Variants in SLC35F5 observed in about 807,000 individuals in gnomAD.
The protein encoded by SLC35F5 is solute carrier family 35 member F5.
A neutral mutation model predicts 68.6 loss-of-function variants in SLC35F5; 54 were observed. The observed-to-expected ratio is 0.79, with a 90% CI of 0.63 to 0.99. The LOEUF is 0.99. SLC35F5 is among the 50% of genes least tolerant of loss of function. The pLI is 0.00. For missense variants in SLC35F5, 567 were observed against 626.9 expected (o/e 0.90, Z 1.02); for synonymous variants, 211 against 205.2 (o/e 1.03, Z -0.24).
chr2:113,714,319 T>A lies in SLC35F5; in HGVS notation c.*899A>T, dbSNP rs1433468077. 4 of 152,048 alleles carry A rather than the reference T, an allele frequency of 2.6e-5. No homozygotes were observed. The East Asian group carries it at 7.7e-4, about 29-fold the overall frequency. 9.4% of individuals were successfully genotyped at this position (152,048 alleles called of 1,614,324 possible). A position where few individuals can be genotyped will look rare whatever the true frequency, so the allele number is the denominator to read the frequency against. On this transcript the variant is annotated 3_prime_UTR_variant, in exon 16 of 16. Coordinates refer to ENST00000245680, the MANE Select transcript of SLC35F5 (RefSeq NM_025181.5). ...CTGGCACATTCATATGTGAAAAAAA[T>A]TAGAAATCACTTGATACATCTACAA...
chr2:113,729,463 T>C lies in SLC35F5; in HGVS notation c.1028A>G (p.Tyr343Cys), dbSNP rs1687799194. ...TACTTTTCTCTTAATCATAACAATA[T>C]AGACAGCATAGAGCATGGCTCCAGC... ...SLAGAMLYAV[Y>C]IVMIKRKVDR... The change falls in exon 11 of 16, where the codon TAT (tyrosine) becomes TGT (cysteine). Residue 343 changes from tyrosine to cysteine, a missense_variant. By Grantham distance (194) the Tyr-to-Cys change is radical. Transcript: ENST00000245680. 8 of 1,594,810 alleles carry C rather than the reference T, an allele frequency of 5.0e-6. No homozygotes were observed. In the Admixed American group the frequency reaches 1.1e-4, roughly 21 times the overall value.
intron 7 of SLC35F5, chr2:113,742,235 A>G (rs1172191072): frequency 6.4e-6 from 1 of 157,256 alleles, no homozygotes; most frequent in Non-Finnish European, 1.4e-5. Flanking sequence ...AAATATACTG[A>G]GTACTTGACA....
chr2:113,734,744 A>G, intron 8 of SLC35F5, 71 bp from the exon 9 acceptor site: 1 of 893,358 alleles, frequency 1.1e-6, no homozygotes, highest in Non-Finnish European at 1.7e-6. Flanking sequence ...TACCAACTTC[A>G]TTGTTTAAAT....
chr2:113,735,774 T>C lies in SLC35F5; in HGVS notation c.832+3A>G, dbSNP rs1404485025. On this transcript the variant is annotated splice_donor_region_variant and intron_variant, in intron 8 of 15. Coordinates refer to ENST00000245680, the MANE Select transcript of SLC35F5 (RefSeq NM_025181.5). ...TGCAGATTTTTAAAGACAAATTTCTTACCGGAAGTTGAAGATAAAATATTA... is the reference window on the plus strand; with the variant it reads ...TGCAGATTTTTAAAGACAAATTTCTCACCGGAAGTTGAAGATAAAATATTA... 2.5e-6 allele frequency: 4 copies of C among 1,591,352 alleles called. No individual in the cohort carries two copies. Among genetic ancestry groups the C allele is most frequent in the Non-Finnish European group, 2.6e-6 (3 of 1,165,206 alleles).
chr2:113,742,779 A>G lies in SLC35F5; in HGVS notation c.663T>C (p.Pro221=), dbSNP rs761703976. The change falls in exon 7 of 16, where the codon CCT becomes CCC. Residue 221 remains proline (P), a synonymous_variant. Coordinates refer to ENST00000245680, the MANE Select transcript of SLC35F5 (RefSeq NM_025181.5). ...LEAKLSRMSY[P]VKEQESILKT... is the part of the protein sequence containing the mutation. ...TCAGTATGGATTCTTGTTCTTTCAC[A>G]GGATATGACATGCGAGACAACTTTG... 2 of 1,614,032 alleles carry G rather than the reference A, an allele frequency of 1.2e-6. No individual in the cohort carries two copies. Among genetic ancestry groups the G allele is most frequent in the South Asian group, 1.1e-5 (1 of 91,092 alleles).
At position 113,707,247 on chromosome 2, in the gene SLC35F5, G is replaced by C. The variant is rs2104944500; in HGVS notation, c.*7971C>G. Among the ~76,000 whole-genome samples the C allele has an allele frequency of 6.6e-6, 1 of 152,220 alleles. No individual in the cohort carries two copies. The highest frequency in any genetic ancestry group is 1.9e-4 in the East Asian group (1 of 5,186). On this transcript the variant is annotated 3_prime_UTR_variant, in exon 16 of 16. Coordinates refer to ENST00000245680, the MANE Select transcript of SLC35F5 (RefSeq NM_025181.5). ...CTGGCCTTCTGGGTCTGGTAATTAA[G>C]TTGACTTAATATTTGCACATAGCTA...
At chr2:113,705,937 T>G (rs1381687463), downstream of SLC35F5, among the ~76,000 whole-genome samples, 1 of 152,092 alleles carries the variant, frequency 6.6e-6, no homozygotes, top group Non-Finnish European at 1.5e-5. Context: ...GGGGAGTAAG[T>G]AGAGGAGGGA....
intron 7 of SLC35F5, among the ~76,000 whole-genome samples, chr2:113,741,171 AC>A (rs1239742013): frequency 6.6e-6 from 1 of 152,188 alleles, no homozygotes; most frequent in Non-Finnish European, 1.5e-5. Context: ...AGTGAAATAA[AC>A]CAGTCTCAAA....
chr2:113,707,674 C>T lies in SLC35F5; in HGVS notation c.*7544G>A, dbSNP rs1226021190. On this transcript the variant is annotated 3_prime_UTR_variant, in exon 16 of 16. Coordinates refer to ENST00000245680, the MANE Select transcript of SLC35F5 (RefSeq NM_025181.5). ...TCTTGGGTTCAAGCGATTCTCCTAC[C>T]TCAGCCTCACAAGTAGCTGGGACTA... Among the ~76,000 whole-genome samples the T allele has an allele frequency of 6.6e-6, 1 of 152,158 alleles. No individual in the cohort carries two copies. Among genetic ancestry groups the T allele is most frequent in the Non-Finnish European group, 1.5e-5 (1 of 68,028 alleles).
chr2:113,727,940 A>G (rs1687732477), intron 11 of SLC35F5, among the ~76,000 whole-genome samples: 4 of 152,236 alleles, frequency 2.6e-5, no homozygotes, highest in African/African-American at 9.6e-5. Flanking sequence ...CTAGCATTTT[A>G]TTCCATTCCA....
intron 13 of SLC35F5, among the ~76,000 whole-genome samples, chr2:113,720,500 C>A (rs1281760086): frequency 6.6e-6 from 1 of 152,112 alleles, no homozygotes; most frequent in Non-Finnish European, 1.5e-5. Context: ...CAATTTTTAA[C>A]ATGCATGCCC....
At chr2:113,729,361 A>C (rs780735136) in intron 11 of SLC35F5, 40 bp downstream of exon 11, 1 of 1,068,468 alleles carries the variant, frequency 9.4e-7, no homozygotes, top group Non-Finnish European at 1.4e-6. Context: ...TGTGTTAATC[A>C]TTTAGAGTAA....
At chr2:113,735,320 T>G (rs1688045312) in intron 8 of SLC35F5, among the ~76,000 whole-genome samples, 1 of 152,184 alleles carries the variant, frequency 6.6e-6, no homozygotes, top group Non-Finnish European at 1.5e-5. Context: ...AAAATGTGTG[T>G]CGTTAGGCAA....
chr2:113,756,310 G>A, intron 1 of SLC35F5, 60 bp downstream of exon 1: 1 of 1,550,872 alleles, frequency 6.4e-7, no homozygotes, highest in Non-Finnish European at 8.7e-7. Flanking sequence ...GGTGCTGCTG[G>A]TGGGCACTCC....
At chr2:113,742,381 CT>C (rs1353594332) in intron 7 of SLC35F5, 1 of 435,686 alleles carries the variant, frequency 2.3e-6, no homozygotes, top group Non-Finnish European at 4.1e-6. Flanking sequence ...TAAAATAACT[CT>C]ATTCATAATT....
intron 15 of SLC35F5, among the ~76,000 whole-genome samples, chr2:113,715,578 G>A (rs1467917046): frequency 6.6e-6 from 1 of 152,100 alleles, no homozygotes; most frequent in Non-Finnish European, 1.5e-5. Context: ...CTGGATATGG[G>A]TAGGTTTAAG....
intron 12 of SLC35F5, among the ~76,000 whole-genome samples, chr2:113,723,493 T>A (rs11888891): frequency 0.015 from 2,219 of 152,270 alleles, 59 homozygotes; most frequent in African/African-American, 0.049. Flanking sequence ...TTAATTTTTT[T>A]AAAAAACTGT....
intron 8 of SLC35F5, 98 bp downstream of exon 8, chr2:113,735,679 A>C: frequency 1.4e-6 from 1 of 706,626 alleles, no homozygotes; most frequent in East Asian, 2.8e-5. Context: ...TAATGTAAGA[A>C]GCTATAACAA....
intron 13 of SLC35F5, among the ~76,000 whole-genome samples, chr2:113,719,880 G>A (rs1186440420): frequency 2.0e-5 from 3 of 150,848 alleles, no homozygotes; most frequent in South Asian, 4.2e-4. Context: ...ATAAAATAAA[G>A]AAAAAAATAT....
Sources: gnomAD v4.1 joint callset for allele counts (sites outside exome capture counted in the v4.1 genomes callset) on GRCh38, gnomAD v4.1.1 for gene constraint, MANE v1.5 for transcripts, NCBI Gene and HGNC (gene_info 2026-07-23, HGNC 2026-07-21) for gene names.